Variants in LYRM4 observed in about 807,000 individuals in gnomAD.
The protein encoded by LYRM4 is LYR motif containing 4.
Under a neutral mutation model 11.7 loss-of-function variants are expected in LYRM4, and 9 were observed. The observed-to-expected ratio is 0.77, with a 90% CI of 0.46 to 1.34. The LOEUF (loss-of-function observed/expected upper bound fraction) is 1.34, where lower values mean the gene tolerates loss of function less well. LYRM4 is among the 40% of genes most tolerant of loss of function. The pLI is 0.00. For missense variants in LYRM4, 133 were observed against 112.5 expected (o/e 1.18, Z -0.82); for synonymous variants, 42 against 40.4 (o/e 1.04, Z -0.15).
chr6:5,257,172 G>A (rs1266961984), intron 1 of LYRM4, among the ~76,000 whole-genome samples: 1 of 152,036 alleles, frequency 6.6e-6, no homozygotes, highest in Non-Finnish European at 1.5e-5. Flanking sequence ...TGAGCTAAGG[G>A]TAAAGTCCAG....
At chr6:5,031,852 GGTAGAGT>G in the LYRM4 span, 1 of 151,946 alleles carries the variant, frequency 6.6e-6, no homozygotes, top group Middle Eastern at 3.4e-3. Flanking sequence ...ATCTCACTTA[GGTAGAGT>G]GCAAATGACA....
chr6:5,059,678 A>G, the LYRM4 span, among the ~76,000 whole-genome samples: 1 of 152,106 alleles, frequency 6.6e-6, no homozygotes, highest in Non-Finnish European at 1.5e-5. Flanking sequence ...ACCACCTAAC[A>G]TCATCCACAT....
chr6:5,162,780 G>A (rs552898209), intron 2 of LYRM4, among the ~76,000 whole-genome samples: 8 of 152,102 alleles, frequency 5.3e-5, no homozygotes, highest in South Asian at 2.1e-4. Context: ...CTTTAAGAAC[G>A]TCATTAGTAT....
chr6:5,139,303 C>T (rs189236678), intron 2 of LYRM4, among the ~76,000 whole-genome samples: 1 of 152,154 alleles, frequency 6.6e-6, no homozygotes, highest in Non-Finnish European at 1.5e-5. Context: ...ACATGGTGAG[C>T]ATATCATATC....
chr6:5,198,859 A>C (rs940324706), intron 2 of LYRM4, among the ~76,000 whole-genome samples: 1 of 152,188 alleles, frequency 6.6e-6, no homozygotes, highest in Non-Finnish European at 1.5e-5. Context: ...ATCTTACACC[A>C]CTCATACCCA....
chr6:5,035,422 A>G, the LYRM4 span, among the ~76,000 whole-genome samples: 1 of 151,240 alleles, frequency 6.6e-6, no homozygotes, highest in Non-Finnish European at 1.5e-5. Context: ...CTTCAGTGCC[A>G]GGTGACATGC....
At chr6:5,171,042 G>A (rs1055956375) in intron 2 of LYRM4, among the ~76,000 whole-genome samples, 4 of 152,132 alleles carry the variant, frequency 2.6e-5, no homozygotes, top group African/African-American at 9.7e-5. Flanking sequence ...AGTTATAAAT[G>A]ATTAGTAGGA....
chr6:5,065,040 A>C, the LYRM4 span, among the ~76,000 whole-genome samples: 48 of 151,316 alleles, frequency 3.2e-4, no homozygotes, highest in Admixed American at 3.2e-3. Context: ...ATCCCTCTCT[A>C]CCCTAAACCA....
chr6:5,227,635 T>C (rs1263496055), intron 1 of LYRM4, among the ~76,000 whole-genome samples: 1 of 152,174 alleles, frequency 6.6e-6, no homozygotes, highest in East Asian at 1.9e-4. Flanking sequence ...CATTACTGGG[T>C]ATATACCCAA....
the LYRM4 span, among the ~76,000 whole-genome samples, chr6:5,060,723 T>C: frequency 2.0e-5 from 3 of 152,220 alleles, no homozygotes; most frequent in Admixed American, 2.0e-4. Context: ...ACACGGAGTT[T>C]CACTGTGTTG....
At chr6:5,089,328 C>T in the LYRM4 span, 751 of 152,042 alleles carry the variant, frequency 4.9e-3, 6 homozygotes, top group African/African-American at 0.017. Context: ...CATATTTTTC[C>T]GATATATTTA....
chr6:5,168,117 AAAAAC>A (rs532834921), intron 2 of LYRM4, among the ~76,000 whole-genome samples: 1,910 of 151,638 alleles, frequency 0.013, 32 homozygotes, highest in African/African-American at 0.042. Context: ...CTTAAAAAAA[AAAAAC>A]AAAAAACAGT....
chr6:5,070,869 GAAA>G, the LYRM4 span, among the ~76,000 whole-genome samples: 9 of 48,086 alleles, frequency 1.9e-4, no homozygotes, highest in Admixed American at 2.6e-4. Flanking sequence ...ACCCTGTCTT[GAAA>G]AAAAAAAAAA....
At chr6:5,063,359 A>G in the LYRM4 span, among the ~76,000 whole-genome samples, 1 of 151,644 alleles carries the variant, frequency 6.6e-6, no homozygotes, top group African/African-American at 2.4e-5. Flanking sequence ...GGGAGATTGG[A>G]GTCCCTGGAA....
chr6:5,156,311 C>T (rs1366906486), intron 2 of LYRM4, among the ~76,000 whole-genome samples: 2 of 152,166 alleles, frequency 1.3e-5, no homozygotes, highest in African/African-American at 4.8e-5. Context: ...GCCCCTGGGT[C>T]CTAGGAGAGG....
At chr6:5,158,526 G>A (rs1446616877) in intron 2 of LYRM4, among the ~76,000 whole-genome samples, 1 of 149,956 alleles carries the variant, frequency 6.7e-6, no homozygotes, top group Non-Finnish European at 1.5e-5. Flanking sequence ...ACACAGGCTG[G>A]AGTGCAGTGG....
intron 2 of LYRM4, among the ~76,000 whole-genome samples, chr6:5,187,170 C>T (rs1760454341): frequency 6.6e-6 from 1 of 152,112 alleles, no homozygotes; most frequent in Non-Finnish European, 1.5e-5. Flanking sequence ...GCGATACTAC[C>T]TTTCATGTTC....
chr6:5,099,812 G>T (rs1313773927), downstream of LYRM4, among the ~76,000 whole-genome samples: 1 of 152,164 alleles, frequency 6.6e-6, no homozygotes. The surrounding 1 kb of genome is among the most constrained non-coding windows in gnomAD (Gnocchi z 4.3). Flanking sequence ...GGAAGTAAGA[G>T]CCTGAGCTTG....
At chr6:5,079,024 G>C in the LYRM4 span, among the ~76,000 whole-genome samples, 1 of 152,190 alleles carries the variant, frequency 6.6e-6, no homozygotes, top group South Asian at 2.1e-4. Context: ...TCTATGGCTG[G>C]GCCTGAGAAT....
Sources: gnomAD v4.1 joint callset for allele counts (sites outside exome capture counted in the v4.1 genomes callset) on GRCh38, gnomAD v4.1.1 for gene constraint, Gnocchi (gnomAD v3.1) non-coding constraint, MANE v1.5 for transcripts, NCBI Gene and HGNC (gene_info 2026-07-23, HGNC 2026-07-21) for gene names.